MYO18B: variants seen among roughly 807,000 people sequenced by gnomAD.
MYO18B encodes the protein unconventional myosin-XVIIIb.
MYO18B carries 204 observed loss-of-function variants against 273.0 expected under a neutral mutation model. The observed-to-expected ratio is 0.75, with a 90% CI of 0.67 to 0.84. The LOEUF is 0.84. MYO18B is among the 40% of genes least tolerant of loss of function. The pLI is 0.00. For synonymous variants in MYO18B, 1,330 were observed against 1,305.7 expected (o/e 1.02, Z -0.40); for missense variants, 3,212 against 3,287.6 (o/e 0.98, Z 0.56).
At chr22:25,904,429 G>C (rs1349052105) in intron 31 of MYO18B, among the ~76,000 whole-genome samples, 4 of 152,124 alleles carry the variant, frequency 2.6e-5, no homozygotes, top group Non-Finnish European at 5.9e-5. Flanking sequence ...CCCACTTTAC[G>C]GATGTAGAAG....
chr22:26,004,881 G>T (rs749680465), intron 42 of MYO18B, 26 bp downstream of exon 42: 2 of 1,612,550 alleles, frequency 1.2e-6, no homozygotes, highest in Non-Finnish European at 1.7e-6. Flanking sequence ...TGCTGCCTCT[G>T]GATGGCTAAT....
chr22:25,992,651 G>C (rs1284945799), intron 40 of MYO18B, among the ~76,000 whole-genome samples, 158 bp downstream of exon 40: 1 of 152,212 alleles, frequency 6.6e-6, no homozygotes, highest in Non-Finnish European at 1.5e-5. Flanking sequence ...AGGAGAGACT[G>C]GATGTTGCCC....
At chr22:25,823,790 A>G (rs544614853) in intron 13 of MYO18B, 112 bp downstream of exon 13, 3 of 1,168,830 alleles carry the variant, frequency 2.6e-6, no homozygotes, top group East Asian at 2.4e-5. Context: ...GGCCTATGCT[A>G]TGAAGGCGTG....
rs916424 is a variant in MYO18B at position 25,992,178 on chromosome 22, T to A, written c.6157-185T>A. Among the ~76,000 whole-genome samples, 93,872 of 152,094 alleles carry A rather than the reference T, an allele frequency of 0.62. 30,706 individuals are homozygous for A. The highest frequency in any genetic ancestry group is 0.81 in the African/African-American group (33,759 of 41,498). On this transcript the variant is annotated intron_variant, in intron 39 of 43. Transcript: ENST00000335473. ...GTATCTATTCCCTCCTCTATGAAAC[T>A]TGGAACACCTGGTTGAGGATCCCAT...
At chr22:25,828,744 T>C in intron 14 of MYO18B, 32 bp from the exon 15 acceptor site, 1 of 1,597,372 alleles carries the variant, frequency 6.3e-7, no homozygotes, top group African/African-American at 1.3e-5. Context: ...CCATGCCATC[T>C]CAGACATTCC....
At chr22:25,865,578 G>A (rs573904429) in intron 21 of MYO18B, among the ~76,000 whole-genome samples, 59 of 152,334 alleles carry the variant, frequency 3.9e-4, no homozygotes, top group African/African-American at 1.4e-3. Context: ...CCCTGCACAA[G>A]CACAGCCTCA....
chr22:25,802,987 A>G (rs1601742398), intron 12 of MYO18B, among the ~76,000 whole-genome samples: 1 of 142,700 alleles, frequency 7.0e-6, no homozygotes, highest in Non-Finnish European at 1.5e-5. Flanking sequence ...TTTGAGACAG[A>G]GTCTTGCTCT....
At chr22:25,851,094 C>G (rs989911005) in intron 20 of MYO18B, among the ~76,000 whole-genome samples, 9 of 152,152 alleles carry the variant, frequency 5.9e-5, no homozygotes, top group Non-Finnish European at 1.3e-4. Context: ...GGTTTGGGAA[C>G]CTCTGGGCTA....
intron 1 of MYO18B, among the ~76,000 whole-genome samples, chr22:25,742,533 C>G (rs142868056): frequency 6.6e-6 from 1 of 152,198 alleles, no homozygotes; most frequent in East Asian, 1.9e-4. Context: ...GGCAAATGGA[C>G]ATTCGTAAGA....
intron 15 of MYO18B, 77 bp from the exon 16 acceptor site, chr22:25,832,840 C>A: frequency 7.4e-7 from 1 of 1,358,106 alleles, no homozygotes; most frequent in Non-Finnish European, 1.0e-6. Context: ...ATCCTCTCCG[C>A]TTTTTCCTTC....
At chr22:25,817,409 C>T (rs539533545) in intron 12 of MYO18B, among the ~76,000 whole-genome samples, 4 of 141,358 alleles carry the variant, frequency 2.8e-5, no homozygotes, top group Non-Finnish European at 4.6e-5. Flanking sequence ...CTTCCTTCCT[C>T]CCTCCCTCTT....
At chr22:26,032,085 T>A (rs1364076424), downstream of MYO18B, among the ~76,000 whole-genome samples, 1 of 152,234 alleles carries the variant, frequency 6.6e-6, no homozygotes. Flanking sequence ...CTTTCTGCAG[T>A]GAAATCCATC....
intron 1 of MYO18B, among the ~76,000 whole-genome samples, chr22:25,744,575 CA>C (rs945492409): frequency 1.3e-5 from 2 of 150,790 alleles, no homozygotes; most frequent in Non-Finnish European, 3.0e-5. Context: ...ACTAAAAACA[CA>C]AAAAAAAATT....
rs930863049 is a variant in MYO18B, at chr22:25,883,114, G to A, written c.4314+5066G>A. Among the ~76,000 whole-genome samples the A allele has an allele frequency of 6.6e-6, 1 of 152,016 alleles. No individual in the cohort carries two copies. The highest frequency in any genetic ancestry group is 1.5e-5 in the Non-Finnish European group (1 of 68,004). The stretch of plus-strand genomic sequence containing the variant: ...GGGTCTCACTTTGTTGCCCAGGTTG[G>A]TCTCCAATTCCTGGGCTCAAGCGAT... On this transcript the variant is annotated intron_variant, in intron 25 of 43. Coordinates refer to ENST00000335473, the MANE Select transcript of MYO18B (RefSeq NM_032608.7). The surrounding 1 kb of genome is among the most constrained non-coding windows in gnomAD (Gnocchi z 7.6).
chr22:25,911,105 G>A (rs2092149531), intron 33 of MYO18B, 55 bp downstream of exon 33: 1 of 1,324,992 alleles, frequency 7.5e-7, no homozygotes, highest in Admixed American at 2.0e-5. Flanking sequence ...ACCTATTTGA[G>A]AGATGGGCTC....
In MYO18B at chr22:25,846,852, C is replaced by T. The variant is rs148448252; in HGVS notation, c.3552+569C>T. ...ATTCCAGCACTTTGGGAGGCCAAGG[C>T]GGGCAGATCACGAGGTCACGAGTTC... On this transcript the variant is annotated intron_variant, in intron 19 of 43. Transcript: ENST00000335473. Among the ~76,000 whole-genome samples, 577 of 152,220 alleles carry T rather than the reference C, an allele frequency of 3.8e-3. 2 individuals are homozygous for T. The highest frequency in any genetic ancestry group is 0.013 in the African/African-American group (523 of 41,526).
intron 36 of MYO18B, among the ~76,000 whole-genome samples, chr22:25,949,688 C>T (rs1247869082): frequency 4.6e-5 from 7 of 152,136 alleles, no homozygotes; most frequent in Non-Finnish European, 7.4e-5. Context: ...TCTCCACTTG[C>T]GAATCACACT....
intron 34 of MYO18B, among the ~76,000 whole-genome samples, chr22:25,932,055 G>A (rs578150377): frequency 9.7e-4 from 147 of 152,128 alleles, no homozygotes; most frequent in African/African-American, 3.3e-3. Flanking sequence ...TTTTATACAG[G>A]AGGAGGCTCT....
intron 41 of MYO18B, 86 bp downstream of exon 41, chr22:26,003,395 T>C (rs1934155059): frequency 1.7e-6 from 2 of 1,190,746 alleles, no homozygotes. Context: ...AACATCCATG[T>C]CCACTTGGAG....
Sources: gnomAD v4.1 joint callset for allele counts (sites outside exome capture counted in the v4.1 genomes callset) on GRCh38, gnomAD v4.1.1 for gene constraint, Gnocchi (gnomAD v3.1) non-coding constraint, MANE v1.5 for transcripts, NCBI Gene and HGNC (gene_info 2026-07-23, HGNC 2026-07-21) for gene names.